SAMD4B: variants seen among roughly 807,000 people sequenced by gnomAD.
SAMD4B encodes protein Smaug homolog 2.
In SAMD4B, 5 loss-of-function variants were observed where a neutral mutation model predicts 74.5. The observed-to-expected ratio is 0.07, with a 90% CI of 0.04 to 0.14. SAMD4B has a LOEUF of 0.14. Among genes scored for constraint, SAMD4B ranks in the 10% least tolerant of loss-of-function variants. The pLI is 1.00. For synonymous variants in SAMD4B, 373 were observed against 374.9 expected, an observed-to-expected ratio of 1.00 and a Z score of 0.06; for missense variants, 608 against 921.8, an observed-to-expected ratio of 0.66 and a Z score of 4.41.
intron 12 of SAMD4B, among the ~76,000 whole-genome samples, chr19:39,382,370 G>A (rs891578439): frequency 2.6e-5 from 4 of 152,174 alleles, no homozygotes; most frequent in Non-Finnish European, 1.5e-5. Context: ...CCAACTGTAT[G>A]TGTAAGGACG....
intron 9 of SAMD4B, among the ~76,000 whole-genome samples, chr19:39,379,593 C>T (rs759110138): frequency 6.6e-6 from 1 of 152,112 alleles, no homozygotes; most frequent in Non-Finnish European, 1.5e-5. Context: ...TTTTTGGAAA[C>T]AGAGTCTCGC....
At chr19:39,365,067 A>G (rs1203101923) in intron 3 of SAMD4B, among the ~76,000 whole-genome samples, 1 of 150,758 alleles carries the variant, frequency 6.6e-6, no homozygotes, top group East Asian at 1.9e-4. Context: ...GTGAAACCCC[A>G]TCTCTACTAA....
chr19:39,367,788 C>T (rs573447263), intron 3 of SAMD4B, among the ~76,000 whole-genome samples: 2 of 148,512 alleles, frequency 1.3e-5, no homozygotes, highest in Non-Finnish European at 3.0e-5. Context: ...GGATTACAGG[C>T]GTGAGCCACC....
rs777798574 is a variant in SAMD4B at position 39,369,692 on chromosome 19, G to A, written c.234G>A (p.Lys78=). ...VSQWQQESKE[K]VVSLLLSHLP... is the part of the protein sequence containing the mutation. Reference sequence around the variant, plus strand: ...AGTGGCAGCAGGAGTCCAAAGAGAAGGTGGTGTCCCTCCTGCTGTCCCACC... The same window carrying A: ...AGTGGCAGCAGGAGTCCAAAGAGAAAGTGGTGTCCCTCCTGCTGTCCCACC... The change falls in exon 4 of 14, where the codon AAG becomes AAA. Residue 78 remains lysine (K), a synonymous_variant. Transcript: ENST00000610417. The A allele has an allele frequency of 1.9e-6, 3 of 1,614,040 alleles. No individual in the cohort carries two copies. The highest frequency in any genetic ancestry group is 1.1e-5 in the South Asian group (1 of 91,076).
chr19:39,342,496 T>G lies in SAMD4B; in HGVS notation c.-347T>G, dbSNP rs1433543698. The G allele has an allele frequency of 1.2e-5, 2 of 172,240 alleles. No homozygotes were observed. The highest frequency in any genetic ancestry group is 5.1e-5 in the African/African-American group (2 of 39,236). The allele number at this position is 172,240 out of a possible 1,614,324, so 10.7% of individuals were successfully genotyped here. On this transcript the variant is annotated 5_prime_UTR_variant, in exon 1 of 14. Coordinates refer to ENST00000610417, the MANE Select transcript of SAMD4B (RefSeq NM_001384574.2). ...CGGTGCGGGAGGAGGGAGGGGAGCT[T>G]GCGGGCCCGAGAGGGGGCGACGGCG... is the stretch of plus-strand genomic sequence containing the variant.
intron 3 of SAMD4B, among the ~76,000 whole-genome samples, chr19:39,358,611 AAAAAG>A (rs748707694): frequency 2.6e-5 from 4 of 152,114 alleles, no homozygotes; most frequent in Non-Finnish European, 5.9e-5. Flanking sequence ...GTAAAAAAAA[AAAAAG>A]AAAAGGAAAG....
intron 3 of SAMD4B, among the ~76,000 whole-genome samples, chr19:39,357,296 AT>A (rs1791199166): frequency 6.6e-6 from 1 of 152,176 alleles, no homozygotes; most frequent in Non-Finnish European, 1.5e-5. Context: ...TGGTGGACTT[AT>A]GGGAGAAGGC....
chr19:39,385,839 C>T, downstream of SAMD4B: 1 of 1,152,850 alleles, frequency 8.7e-7, no homozygotes, highest in Non-Finnish European at 1.2e-6. Context: ...ATCATAGGGG[C>T]TGGGAGGGGA....
chr19:39,362,194 C>T lies in SAMD4B; in HGVS notation c.196+5105C>T, dbSNP rs551271460. 1.2e-4 allele frequency among the ~76,000 whole-genome samples: 19 copies of T among 152,280 alleles called. No individual in the cohort carries two copies. The South Asian group carries it at 3.9e-3, about 32-fold the overall frequency. ...GTCCCTAGCTTTGTGTTAGAATCCC[C>T]CAGGGCCTTTCTAAAAATAATGTGA... is the stretch of plus-strand genomic sequence containing the variant. On this transcript the variant is annotated intron_variant, in intron 3 of 13. Coordinates refer to ENST00000610417, the MANE Select transcript of SAMD4B (RefSeq NM_001384574.2).
chr19:39,370,141 G>A lies in SAMD4B; in HGVS notation c.667+16G>A. ...GCAAACACAGGTAAGTGGCGGGGGT[G>A]TCCCAGAAGGCCATGCCTACTTGAA... On this transcript the variant is annotated intron_variant, in intron 4 of 13. Transcript: ENST00000610417. 6.4e-7 allele frequency: 1 copy of A among 1,561,268 alleles called. No homozygotes were observed. Among genetic ancestry groups the A allele is most frequent in the Non-Finnish European group, 8.7e-7 (1 of 1,152,382 alleles).
At chr19:39,380,843 A>G in intron 11 of SAMD4B, 58 bp downstream of exon 11, 4 of 1,499,564 alleles carry the variant, frequency 2.7e-6, no homozygotes, top group South Asian at 2.7e-5. Context: ...AGTACCTGGG[A>G]TGTCTATTTG....
At chr19:39,390,378 G>A (rs1296058710), downstream of SAMD4B, 31 of 1,038,494 alleles carry the variant, frequency 3.0e-5, no homozygotes, top group African/African-American at 4.1e-5. Flanking sequence ...CAAAAGGTAG[G>A]AGGGGTGACA....
intron 1 of SAMD4B, among the ~76,000 whole-genome samples, chr19:39,346,387 G>C (rs550812482): frequency 4.3e-4 from 65 of 152,234 alleles, no homozygotes; most frequent in African/African-American, 1.5e-3. Context: ...CTCACCCATG[G>C]TATCTCTTCT....
chr19:39,386,016 C>CGAA, downstream of SAMD4B: 1 of 1,613,612 alleles, frequency 6.2e-7, no homozygotes, highest in Non-Finnish European at 8.5e-7. This position sits in a 1 kb window ranked among gnomAD's most constrained non-coding sequence, Gnocchi z 6.1. Context: ...ATCAGCTTCA[C>CGAA]TGGAATCAGA....
At chr19:39,373,294 G>T (rs1172476549) in intron 4 of SAMD4B, among the ~76,000 whole-genome samples, 3 of 152,214 alleles carry the variant, frequency 2.0e-5, no homozygotes, top group Non-Finnish European at 4.4e-5. Context: ...ACTTCTGGAT[G>T]CCATAGGTGG....
Position 39,377,716 on chromosome 19 carries a change from AACT to A in SAMD4B, c.1339_1341del (p.Tyr447del). On this transcript the variant is annotated inframe_deletion, in exon 8 of 14. Transcript: ENST00000610417. ...GGCCAAGGACCCTCCAGCTGTGGAG[AACT>A]ACCCACCTCCACCAGCTCCAGCTCC... The A allele has an allele frequency of 6.2e-7, 1 of 1,614,160 alleles. No homozygotes were observed. Among genetic ancestry groups the A allele is most frequent in the African/African-American group, 1.3e-5 (1 of 75,048 alleles).
intron 11 of SAMD4B, 88 bp downstream of exon 11, chr19:39,380,873 G>C (rs1600589509): frequency 6.6e-7 from 1 of 1,511,382 alleles, no homozygotes; most frequent in South Asian, 1.3e-5. Flanking sequence ...TCTGTGTCTG[G>C]ACCCAGCTTA....
chr19:39,353,474 A>G (rs1233419200), intron 1 of SAMD4B, among the ~76,000 whole-genome samples: 1 of 152,198 alleles, frequency 6.6e-6, no homozygotes, highest in Admixed American at 6.5e-5. Context: ...TAAGATATAT[A>G]AGGGGTTTTG....
chr19:39,380,946 C>G, intron 11 of SAMD4B, 44 bp from the exon 12 acceptor site: 2 of 1,562,008 alleles, frequency 1.3e-6, no homozygotes. Context: ...GGGTCTGGGC[C>G]TCTTCTGCAC....
Sources: allele counts gnomAD v4.1 joint callset (sites outside exome capture counted in the v4.1 genomes callset), GRCh38; gene constraint gnomAD v4.1.1; non-coding constraint Gnocchi (gnomAD v3.1); transcripts MANE v1.5; gene names NCBI Gene and HGNC (gene_info 2026-07-23, HGNC 2026-07-21).